DYNC2H1: variants seen among roughly 807,000 people sequenced by gnomAD.
The protein encoded by DYNC2H1 is dynein cytoplasmic 2 heavy chain 1, also known as cytoplasmic dynein 2 heavy chain 1.
A neutral mutation model predicts 570.0 loss-of-function variants in DYNC2H1; 410 were observed. The ratio of observed to expected loss-of-function variants is 0.72; its 90% confidence interval spans 0.66 to 0.78. The LOEUF is 0.78. DYNC2H1 is among the 30% of genes least tolerant of loss of function. The pLI, the probability that DYNC2H1 is intolerant of heterozygous loss-of-function variation, is 0.00. For synonymous variants in DYNC2H1, 1,688 were observed against 1,677.6 expected (o/e 1.01, Z -0.15); for missense variants, 4,865 against 5,046.4 (o/e 0.96, Z 1.09).
At chr11:103,224,329 T>G (rs1863717127) in intron 59 of DYNC2H1, among the ~76,000 whole-genome samples, 2 of 152,208 alleles carry the variant, frequency 1.3e-5, no homozygotes, top group African/African-American at 2.4e-5. Flanking sequence ...AGTGGTGATT[T>G]CAGAGATTTT....
intron 65 of DYNC2H1, among the ~76,000 whole-genome samples, chr11:103,250,139 G>A (rs2135244827): frequency 6.6e-6 from 1 of 151,830 alleles, no homozygotes; most frequent in Non-Finnish European, 1.5e-5. Flanking sequence ...GTCAGCTTTG[G>A]TTAAGTCGTA....
intron 84 of DYNC2H1, among the ~76,000 whole-genome samples, chr11:103,423,520 T>G (rs903627828): frequency 1.3e-5 from 2 of 151,788 alleles, no homozygotes; most frequent in African/African-American, 4.8e-5. Flanking sequence ...CTAAAATTTT[T>G]TAGTGACTTT....
chr11:103,337,012 C>T (rs1421714998), intron 82 of DYNC2H1, among the ~76,000 whole-genome samples: 2 of 152,148 alleles, frequency 1.3e-5, no homozygotes, highest in African/African-American at 2.4e-5. Context: ...ATGACGCCCA[C>T]GCTGAAGGTC....
intron 85 of DYNC2H1, 136 bp from the exon 86 acceptor site, chr11:103,455,050 A>G: frequency 1.8e-6 from 1 of 551,296 alleles, no homozygotes; most frequent in Admixed American, 3.4e-5. Context: ...TAAAATGGAA[A>G]TGTTATATAT....
intron 82 of DYNC2H1, among the ~76,000 whole-genome samples, chr11:103,337,289 A>G (rs974561117): frequency 1.3e-5 from 2 of 152,146 alleles, no homozygotes; most frequent in Non-Finnish European, 2.9e-5. Context: ...TCTCTGTTCG[A>G]GGCTCTCAGC....
chr11:103,227,049 C>G (rs1863828411), intron 59 of DYNC2H1, among the ~76,000 whole-genome samples: 1 of 152,092 alleles, frequency 6.6e-6, no homozygotes, highest in Admixed American at 6.6e-5. Context: ...CCATTTCTTT[C>G]TAATTGAGCT....
intron 50 of DYNC2H1, among the ~76,000 whole-genome samples, chr11:103,202,294 ATTTTTT>A (rs10635156): frequency 0.054 from 7,103 of 132,714 alleles, 577 homozygotes; most frequent in African/African-American, 0.18. Context: ...AGAAACACAG[ATTTTTT>A]TTTTTTTTTT....
Position 103,369,125 on chromosome 11 carries a change from A to G in DYNC2H1, c.12156+10766A>G, listed in dbSNP as rs909900510. On this transcript the variant is annotated intron_variant, in intron 83 of 88. Transcript: ENST00000375735. This position sits in a 1 kb window ranked among gnomAD's most constrained non-coding sequence, Gnocchi z 4.0. ...CACCATCCCTCCCCTGTCTCCAAGC[A>G]GCAGTGGCATGGCATGGAGAGCGTT... is the stretch of plus-strand genomic sequence containing the variant. 9.2e-5 allele frequency among the ~76,000 whole-genome samples: 14 copies of G among 152,168 alleles called. No individual in the cohort carries two copies. Among genetic ancestry groups the G allele is most frequent in the African/African-American group, 1.9e-4 (8 of 41,426 alleles).
At chr11:103,307,254 G>A (rs555092483) in intron 77 of DYNC2H1, among the ~76,000 whole-genome samples, 50 of 152,204 alleles carry the variant, frequency 3.3e-4, no homozygotes, top group African/African-American at 1.2e-3. Flanking sequence ...GTAAATAAGG[G>A]AATTAATATC....
chr11:103,391,045 T>C (rs1942124344), intron 83 of DYNC2H1, among the ~76,000 whole-genome samples: 1 of 152,178 alleles, frequency 6.6e-6, no homozygotes, highest in Admixed American at 6.5e-5. Flanking sequence ...TGTTGGCCTG[T>C]CTTGCTAGAT....
At position 103,211,922 on chromosome 11, in the gene DYNC2H1, A is replaced by G. The variant is rs765650395; in HGVS notation, c.8673A>G (p.Leu2891=). 3.5e-5 allele frequency: 53 copies of G among 1,532,322 alleles called. No individual in the cohort carries two copies. The highest frequency in any genetic ancestry group is 4.6e-5 in the Non-Finnish European group (52 of 1,138,276). The allele number at this position is 1,532,322 out of a possible 1,614,324, so 94.9% of individuals were successfully genotyped here. Residue 2891 remains leucine, a synonymous_variant, in exon 54 of 89, where the codon TTA becomes TTG. Coordinates refer to ENST00000375735, the MANE Select transcript of DYNC2H1 (RefSeq NM_001377.3). ...GTAGTAGCAAGAAAAAGGAATTATTAAAAAGACAAAGTCATTTGCAGGTAT... is the reference window on the plus strand; with the variant it reads ...GTAGTAGCAAGAAAAAGGAATTATTGAAAAGACAAAGTCATTTGCAGGTAT... The part of the protein sequence containing the change: ...AISSSKKKEL[L]KRQSHLQAGV...
chr11:103,203,806 C>A lies in DYNC2H1; in HGVS notation c.8311+30C>A. 6.9e-7 allele frequency: 1 copy of A among 1,443,938 alleles called. No homozygotes were observed. The allele number at this position is 1,443,938 out of a possible 1,614,324, so 89.4% of individuals were successfully genotyped here. A position where few individuals can be genotyped will look rare whatever the true frequency, so the allele number is the denominator to read the frequency against. On this transcript the variant is annotated intron_variant, in intron 51 of 88. Transcript: ENST00000375735. The surrounding 1 kb of genome is among the most constrained non-coding windows in gnomAD (Gnocchi z 4.7). ...GTGACATAGAATTCATTAATCAAATCAAACTGGTTTGTATGAAATATATAT... is the reference window on the plus strand; with the variant it reads ...GTGACATAGAATTCATTAATCAAATAAAACTGGTTTGTATGAAATATATAT...
intron 70 of DYNC2H1, among the ~76,000 whole-genome samples, chr11:103,263,302 A>G (rs918492444): frequency 1.3e-5 from 2 of 152,160 alleles, no homozygotes; most frequent in African/African-American, 4.8e-5. Context: ...GATTAATGAG[A>G]CAGAAAATTA....
rs1004082547 is a variant in DYNC2H1 at position 103,129,900 on chromosome 11, C to T, written c.1953+895C>T. Among the ~76,000 whole-genome samples, 1 of 152,002 alleles carries T rather than the reference C, an allele frequency of 6.6e-6. No individual in the cohort carries two copies. Among genetic ancestry groups the T allele is most frequent in the Admixed American group, 6.6e-5 (1 of 15,256 alleles). ...TTGTGTCAGGATCCTCAGGACCACC[C>T]CAGATTCTTTGATTTGCTCAGAGGA... On this transcript the variant is annotated intron_variant, in intron 13 of 88. Coordinates refer to ENST00000375735, the MANE Select transcript of DYNC2H1 (RefSeq NM_001377.3). This position sits in a 1 kb window ranked among gnomAD's most constrained non-coding sequence, Gnocchi z 4.1.
chr11:103,445,092 GAATA>G (rs1429734488), intron 85 of DYNC2H1, among the ~76,000 whole-genome samples: 10 of 152,154 alleles, frequency 6.6e-5, no homozygotes, highest in Non-Finnish European at 1.3e-4. Flanking sequence ...AATACCGAAT[GAATA>G]AATACATTTT....
In DYNC2H1 at chr11:103,468,592, A is replaced by G. The variant is rs766823827; in HGVS notation, c.12652A>G (p.Ser4218Gly). 5 of 1,611,706 alleles carry G rather than the reference A, an allele frequency of 3.1e-6. No individual in the cohort carries two copies. In the East Asian group the frequency reaches 8.9e-5, roughly 29 times the overall value. ...GACATATTTGTTTCCATGGCAGATC[A>G]GTGGCTTGTTACTAGAAGGATGTAG... ...LQEAKLQIKISGLLLEGCSFD... is the reference protein window; with the variant it reads ...LQEAKLQIKIGGLLLEGCSFD... The change falls in exon 88 of 89, where the codon AGT becomes GGT. Residue 4218 changes from serine to glycine, a missense_variant. Physicochemically the swap from Ser to Gly is moderately conservative, Grantham distance 56. Around this residue, in one of 5 missense-constraint regions of DYNC2H1, gnomAD observed 2,401 missense variants for 2,454.6 expected, o/e 0.98. Transcript: ENST00000375735.
In DYNC2H1 at chr11:103,299,662, G is replaced by A. The variant is rs1866968983; in HGVS notation, c.11096-3431G>A. Among the ~76,000 whole-genome samples the A allele has an allele frequency of 6.6e-6, 1 of 152,034 alleles. No individual in the cohort carries two copies. Among genetic ancestry groups the A allele is most frequent in the Admixed American group, 6.6e-5 (1 of 15,230 alleles). On this transcript the variant is annotated intron_variant, in intron 75 of 88. Transcript: ENST00000375735. The surrounding 1 kb of genome is among the most constrained non-coding windows in gnomAD (Gnocchi z 4.5). ...TGCTACACTTCTTTGACTCTAACAA[G>A]AGAAACTGCTCCGCTTTCAAGGGGT...
chr11:103,245,876 G>C lies in DYNC2H1; in HGVS notation c.10042+502G>C, dbSNP rs1488619054. On this transcript the variant is annotated intron_variant, in intron 65 of 88. Coordinates refer to ENST00000375735, the MANE Select transcript of DYNC2H1 (RefSeq NM_001377.3). This position sits in a 1 kb window ranked among gnomAD's most constrained non-coding sequence, Gnocchi z 4.5. ...TTGGATGATTAGAAGGCTATGCCTT[G>C]AAACTTAAAGAGCATATCATGCAAA... 1.3e-5 allele frequency among the ~76,000 whole-genome samples: 2 copies of C among 152,080 alleles called. No individual in the cohort carries two copies. Among genetic ancestry groups the C allele is most frequent in the African/African-American group, 2.4e-5 (1 of 41,440 alleles).
At chr11:103,222,840 A>G (rs1392567635) in intron 58 of DYNC2H1, 125 bp from the exon 59 acceptor site, 18 of 1,083,428 alleles carry the variant, frequency 1.7e-5, no homozygotes, top group Non-Finnish European at 2.4e-5. Flanking sequence ...TATTTTAGCT[A>G]TAAGCCAAAA....
Sources: gnomAD v4.1 joint callset for allele counts (sites outside exome capture counted in the v4.1 genomes callset) on GRCh38, gnomAD v4.1.1 for gene constraint, gnomAD v4.1.1 regional missense constraint, Gnocchi (gnomAD v3.1) non-coding constraint, MANE v1.5 for transcripts, NCBI Gene and HGNC (gene_info 2026-07-23, HGNC 2026-07-21) for gene names.